Variants in CPNE8 observed in about 807,000 individuals in gnomAD.
CPNE8 encodes the protein copine 8.
A neutral mutation model predicts 81.5 loss-of-function variants in CPNE8; 45 were observed. That is an observed-to-expected ratio of 0.55 (90% CI 0.44 to 0.71). The LOEUF is 0.71. Ranked by LOEUF, CPNE8 falls within the 30% of genes least tolerant of loss-of-function variation. The pLI is 0.00. For synonymous variants in CPNE8, 252 were observed against 226.3 expected, an observed-to-expected ratio of 1.11 and a Z score of -1.02; for missense variants, 594 against 672.1, an observed-to-expected ratio of 0.88 and a Z score of 1.28.
At chr12:38,854,982 T>C (rs1943707214) in intron 3 of CPNE8, among the ~76,000 whole-genome samples, 1 of 152,144 alleles carries the variant, frequency 6.6e-6, no homozygotes, top group Non-Finnish European at 1.5e-5. Context: ...GCCAATGACA[T>C]GATCTTATAT....
At chr12:38,696,578 C>A (rs536653158) in intron 14 of CPNE8, among the ~76,000 whole-genome samples, 2 of 152,252 alleles carry the variant, frequency 1.3e-5, no homozygotes, top group South Asian at 2.1e-4. Context: ...GCTCACTTAA[C>A]CCTTTCAACA....
chr12:38,795,631 T>A (rs184216866), intron 6 of CPNE8, among the ~76,000 whole-genome samples: 1 of 152,162 alleles, frequency 6.6e-6, no homozygotes. Context: ...CAGAAGATAC[T>A]GTATAATCCC....
chr12:38,808,267 G>A (rs545604376), intron 6 of CPNE8, among the ~76,000 whole-genome samples: 66 of 152,150 alleles, frequency 4.3e-4, no homozygotes, highest in Middle Eastern at 3.4e-3. Context: ...ATACCCAAAC[G>A]AGTATAAATC....
chr12:38,719,584 G>GAAAAAAAAAAAAAAAAA (rs34008352), intron 13 of CPNE8, among the ~76,000 whole-genome samples: 1 of 124,192 alleles, frequency 8.1e-6, no homozygotes, highest in African/African-American at 3.1e-5. Flanking sequence ...ATTGTCTCAG[G>GAAAAAAAAAAAAAAAAA]AAAAAAAAAA....
At chr12:38,858,770 C>A (rs1056596384) in intron 3 of CPNE8, among the ~76,000 whole-genome samples, 1 of 151,858 alleles carries the variant, frequency 6.6e-6, no homozygotes, top group African/African-American at 2.4e-5. Context: ...ACACTATGAG[C>A]AAATGAGATT....
chr12:38,857,236 G>A (rs536254516), intron 3 of CPNE8, among the ~76,000 whole-genome samples: 20 of 152,086 alleles, frequency 1.3e-4, no homozygotes, highest in Non-Finnish European at 2.4e-4. Context: ...CTTTACACAA[G>A]AGACACACCT....
At chr12:38,906,048 T>G, upstream of CPNE8, 1 of 986,818 alleles carries the variant, frequency 1.0e-6, no homozygotes, top group Non-Finnish European at 1.2e-6. Context: ...GTCTCGAAGT[T>G]TCCTCGCCTG....
At chr12:38,765,815 A>G (rs1941675482) in intron 8 of CPNE8, among the ~76,000 whole-genome samples, 1 of 151,604 alleles carries the variant, frequency 6.6e-6, no homozygotes, top group Non-Finnish European at 1.5e-5. Flanking sequence ...GATTAGTTGT[A>G]TTTTTCTTAA....
intron 6 of CPNE8, among the ~76,000 whole-genome samples, chr12:38,811,944 A>T (rs1942945352): frequency 6.6e-6 from 1 of 152,246 alleles, no homozygotes; most frequent in Non-Finnish European, 1.5e-5. Flanking sequence ...AGTTGAAGAA[A>T]TATGGTCCCT....
intron 10 of CPNE8, among the ~76,000 whole-genome samples, chr12:38,751,494 A>G (rs942698145): frequency 6.6e-6 from 1 of 152,160 alleles, no homozygotes; most frequent in South Asian, 2.1e-4. Flanking sequence ...ATTTTTACCT[A>G]TAAAGCTTGA....
chr12:38,833,942 G>A (rs111468752), intron 5 of CPNE8, among the ~76,000 whole-genome samples: 1 of 152,068 alleles, frequency 6.6e-6, no homozygotes, highest in Non-Finnish European at 1.5e-5. Flanking sequence ...GAAAAAGCAA[G>A]AACAAAGTCC....
chr12:38,857,516 A>G (rs1943761471), intron 3 of CPNE8, among the ~76,000 whole-genome samples: 1 of 152,228 alleles, frequency 6.6e-6, no homozygotes, highest in Non-Finnish European at 1.5e-5. Flanking sequence ...ATAATGTACT[A>G]GAGTTTTTAA....
At chr12:38,660,762 T>G (rs1195219077) in intron 19 of CPNE8, among the ~76,000 whole-genome samples, 1 of 151,948 alleles carries the variant, frequency 6.6e-6, no homozygotes. Flanking sequence ...TTAAACAAAT[T>G]TATAAGAAAA....
chr12:38,899,427 C>T (rs188386609), intron 1 of CPNE8, among the ~76,000 whole-genome samples: 97 of 152,244 alleles, frequency 6.4e-4, no homozygotes, highest in Middle Eastern at 3.4e-3. Flanking sequence ...GCACCCTGAT[C>T]GCAGACATCC....
chr12:38,805,831 G>C (rs933466871), intron 6 of CPNE8, among the ~76,000 whole-genome samples: 2 of 149,150 alleles, frequency 1.3e-5, no homozygotes, highest in African/African-American at 4.9e-5. Context: ...TTTTTTGAAA[G>C]GATCAACAAA....
intron 8 of CPNE8, among the ~76,000 whole-genome samples, chr12:38,767,381 C>A (rs549839194): frequency 6.6e-5 from 10 of 151,936 alleles, no homozygotes; most frequent in Middle Eastern, 3.4e-3. Context: ...ACTATTAACT[C>A]AATGTTATAA....
At chr12:38,789,330 T>C (rs1942270771) in intron 6 of CPNE8, among the ~76,000 whole-genome samples, 1 of 151,536 alleles carries the variant, frequency 6.6e-6, no homozygotes, top group Non-Finnish European at 1.5e-5. Flanking sequence ...TCAACAGAGG[T>C]GCCAAAAACA....
Position 38,653,742 on chromosome 12 carries a change from T to C in CPNE8, c.*140A>G. The C allele has an allele frequency of 8.0e-7, 1 of 1,255,834 alleles. No individual in the cohort carries two copies. The allele number at this position is 1,255,834 out of a possible 1,614,324, so 77.8% of individuals were successfully genotyped here. A position where few individuals can be genotyped will look rare whatever the true frequency, so the allele number is the denominator to read the frequency against. On this transcript the variant is annotated 3_prime_UTR_variant, in exon 20 of 20. Transcript: ENST00000331366. ...TTTTGGTTTAGGAAGATATTTAAAT[T>C]TGGATCCAAGAAAGCACATTAACTG... is the stretch of plus-strand genomic sequence containing the variant.
rs546606365 is a variant in CPNE8, at chr12:38,743,235, AATG to A, written c.723-12880_723-12878del. ...CTCTTCCTGAATTTCAATGCCAAATAATGATATTACAACCACTAAATATGAACA... is the reference window on the plus strand; with the variant it reads ...CTCTTCCTGAATTTCAATGCCAAATAATATTACAACCACTAAATATGAACA... On this transcript the variant is annotated intron_variant, in intron 10 of 19. Coordinates refer to ENST00000331366, the MANE Select transcript of CPNE8 (RefSeq NM_153634.3). Among the ~76,000 whole-genome samples the A allele has an allele frequency of 1.3e-4, 20 of 152,224 alleles. No individual in the cohort carries two copies. The South Asian group carries it at 3.3e-3, about 25-fold the overall frequency.
Sources: gnomAD v4.1 joint callset for allele counts (sites outside exome capture counted in the v4.1 genomes callset) on GRCh38, gnomAD v4.1.1 for gene constraint, MANE v1.5 for transcripts, NCBI Gene and HGNC (gene_info 2026-07-23, HGNC 2026-07-21) for gene names.